The following SLC24A2 variants were observed in gnomAD, a reference collection of about 807,000 sequenced individuals.
The protein encoded by SLC24A2 is solute carrier family 24 member 2.
SLC24A2 carries 36 observed loss-of-function variants against 62.0 expected under a neutral mutation model. The ratio of observed to expected loss-of-function variants is 0.58; its 90% CI spans 0.44 to 0.77. SLC24A2 has a LOEUF of 0.77. Ranked by LOEUF, SLC24A2 falls within the 30% of genes least tolerant of loss-of-function variation. The probability of loss-of-function intolerance (pLI) is 0.00; values close to 1 mark genes in which losing one functional copy is unlikely to be tolerated. For synonymous variants in SLC24A2, 358 were observed against 294.0 expected (o/e 1.22, Z -2.23); for missense variants, 846 against 817.9 (o/e 1.03, Z -0.42).
intron 2 of SLC24A2, among the ~76,000 whole-genome samples, chr9:19,722,352 T>C (rs1821050936): frequency 2.0e-5 from 3 of 152,106 alleles, no homozygotes; most frequent in Non-Finnish European, 4.4e-5. Context: ...GAACTGAGAA[T>C]GCTAGGTTCA....
the SLC24A2 span, among the ~76,000 whole-genome samples, chr9:19,979,255 C>T: frequency 3.3e-5 from 5 of 152,162 alleles, no homozygotes; most frequent in African/African-American, 1.2e-4. Flanking sequence ...AATGCAGGTT[C>T]TGGTTCAGTG....
chr9:20,142,451 TTTTG>T, the SLC24A2 span, among the ~76,000 whole-genome samples: 2 of 145,994 alleles, frequency 1.4e-5, no homozygotes, highest in African/African-American at 5.6e-5. Flanking sequence ...ACTTAAATAT[TTTTG>T]TTTTTTAAAA....
At chr9:19,770,754 C>T (rs1822662194) in intron 2 of SLC24A2, among the ~76,000 whole-genome samples, 2 of 152,134 alleles carry the variant, frequency 1.3e-5, no homozygotes, top group Admixed American at 6.5e-5. Flanking sequence ...TTCAGTGAGT[C>T]AGTAAGATCC....
chr9:20,114,242 G>A, the SLC24A2 span, among the ~76,000 whole-genome samples: 5 of 152,196 alleles, frequency 3.3e-5, no homozygotes, highest in Non-Finnish European at 5.9e-5. Flanking sequence ...AAGAACCACC[G>A]CAAAGGGGAC....
At chr9:19,543,164 T>G (rs1014845657) in intron 8 of SLC24A2, among the ~76,000 whole-genome samples, 1 of 152,208 alleles carries the variant, frequency 6.6e-6, no homozygotes, top group Non-Finnish European at 1.5e-5. Flanking sequence ...TGGGAGGGTG[T>G]ATGTGTCCAG....
intron 5 of SLC24A2, among the ~76,000 whole-genome samples, chr9:19,585,605 A>G (rs1486671883): frequency 2.0e-5 from 3 of 152,238 alleles, no homozygotes; most frequent in Non-Finnish European, 4.4e-5. Flanking sequence ...AAAGATATGC[A>G]TGTATACTGA....
At chr9:19,975,222 C>T in the SLC24A2 span, among the ~76,000 whole-genome samples, 3 of 152,066 alleles carry the variant, frequency 2.0e-5, no homozygotes, top group Non-Finnish European at 1.5e-5. Context: ...TTTTGGGCTC[C>T]CTTACTTCCT....
the SLC24A2 span, among the ~76,000 whole-genome samples, chr9:20,135,450 T>A: frequency 6.6e-6 from 1 of 152,164 alleles, no homozygotes; most frequent in African/African-American, 2.4e-5. Context: ...TTTCTGCCAC[T>A]TATTAGACTA....
intron 5 of SLC24A2, among the ~76,000 whole-genome samples, chr9:19,577,881 T>C (rs1268135000): frequency 1.3e-5 from 2 of 149,428 alleles, no homozygotes; most frequent in African/African-American, 4.9e-5. Context: ...TTCCAACATA[T>C]ATATATGATG....
intron 8 of SLC24A2, among the ~76,000 whole-genome samples, chr9:19,542,163 C>CT (rs1448343692): frequency 2.0e-5 from 3 of 152,204 alleles, no homozygotes; most frequent in African/African-American, 7.2e-5. Flanking sequence ...AATCACCCGT[C>CT]TTCTGCGTCG....
At chr9:19,591,248 C>T (rs1187998251) in intron 5 of SLC24A2, among the ~76,000 whole-genome samples, 1 of 152,182 alleles carries the variant, frequency 6.6e-6, no homozygotes, top group African/African-American at 2.4e-5. Context: ...TCAACATCTC[C>T]ATTTGGATGT....
the SLC24A2 span, among the ~76,000 whole-genome samples, chr9:20,056,224 G>A: frequency 6.6e-6 from 1 of 152,180 alleles, no homozygotes; most frequent in Non-Finnish European, 1.5e-5. Flanking sequence ...AGCACTGTGT[G>A]TGTGTACATG....
intron 2 of SLC24A2, among the ~76,000 whole-genome samples, chr9:19,662,457 C>T (rs1819128829): frequency 1.3e-5 from 2 of 152,196 alleles, no homozygotes; most frequent in South Asian, 4.1e-4. Flanking sequence ...TTGTTGCTTT[C>T]AGCTCTTACT....
intron 2 of SLC24A2, among the ~76,000 whole-genome samples, chr9:19,711,875 A>G (rs1820724775): frequency 6.6e-6 from 1 of 152,200 alleles, no homozygotes; most frequent in Non-Finnish European, 1.5e-5. Flanking sequence ...CTAGACTCAG[A>G]ACCAGAGCTC....
At chr9:20,202,648 T>C in the SLC24A2 span, among the ~76,000 whole-genome samples, 6 of 152,110 alleles carry the variant, frequency 3.9e-5, no homozygotes, top group African/African-American at 1.4e-4. Context: ...CAGTTCTCCT[T>C]TGGGATTTAA....
At chr9:19,972,631 A>C in the SLC24A2 span, among the ~76,000 whole-genome samples, 4 of 151,960 alleles carry the variant, frequency 2.6e-5, no homozygotes, top group Non-Finnish European at 4.4e-5. Context: ...TTAGAGAGAA[A>C]TTTTCTGCTT....
At chr9:19,573,974 G>C (rs1185937829) in intron 6 of SLC24A2, among the ~76,000 whole-genome samples, 1 of 152,162 alleles carries the variant, frequency 6.6e-6, no homozygotes, top group Admixed American at 6.5e-5. Flanking sequence ...CTCTGGAAAG[G>C]ATATTAGCTA....
At chr9:19,554,360 T>C (rs1005344775) in intron 7 of SLC24A2, among the ~76,000 whole-genome samples, 1 of 152,236 alleles carries the variant, frequency 6.6e-6, no homozygotes, top group Non-Finnish European at 1.5e-5. Context: ...TACATTGCAT[T>C]AGGCATTCTA....
At chr9:20,294,039 T>C in the SLC24A2 span, among the ~76,000 whole-genome samples, 1 of 152,048 alleles carries the variant, frequency 6.6e-6, no homozygotes, top group Non-Finnish European at 1.5e-5. Flanking sequence ...GTACATTTGC[T>C]CATCATGACC....
Sources: allele counts gnomAD v4.1 joint callset (sites outside exome capture counted in the v4.1 genomes callset), GRCh38; gene constraint gnomAD v4.1.1; transcripts MANE v1.5; gene names NCBI Gene and HGNC (gene_info 2026-07-23, HGNC 2026-07-21).